The following TTC7B variants were observed in gnomAD, a reference collection of about 807,000 sequenced individuals.
TTC7B encodes tetratricopeptide repeat domain 7B.
TTC7B carries 28 observed loss-of-function variants against 106.8 expected under a neutral mutation model. The ratio of observed to expected loss-of-function variants is 0.26; its 90% confidence interval spans 0.19 to 0.36. TTC7B has a LOEUF of 0.36. TTC7B is among the 10% of genes least tolerant of loss of function. TTC7B has a pLI of 1.00. For synonymous variants in TTC7B, 405 were observed against 430.6 expected (o/e 0.94, Z 0.74); for missense variants, 862 against 1,076.4 (o/e 0.80, Z 2.79).
At chr14:90,598,624 C>G (rs1355161956) in intron 17 of TTC7B, among the ~76,000 whole-genome samples, 2 of 152,368 alleles carry the variant, frequency 1.3e-5, no homozygotes, top group East Asian at 3.9e-4. Context: ...CTGACCCGTG[C>G]TCCTATTGTA....
chr14:90,696,147 C>T (rs895042046), intron 5 of TTC7B, among the ~76,000 whole-genome samples: 1 of 152,190 alleles, frequency 6.6e-6, no homozygotes, highest in African/African-American at 2.4e-5. Flanking sequence ...TCAGAGGCCC[C>T]TTCTGAGAGC....
chr14:90,596,635 A>G (rs540460749), intron 17 of TTC7B, among the ~76,000 whole-genome samples: 12 of 152,284 alleles, frequency 7.9e-5, no homozygotes, highest in Admixed American at 2.0e-4. Context: ...TCTCCCTACA[A>G]TAAGTGAGAC....
chr14:90,770,066 T>C (rs1447542693), intron 3 of TTC7B, among the ~76,000 whole-genome samples: 3 of 152,166 alleles, frequency 2.0e-5, no homozygotes, highest in African/African-American at 7.2e-5. Flanking sequence ...AGGAGATCTC[T>C]TGAGCCCAGG....
intron 18 of TTC7B, among the ~76,000 whole-genome samples, chr14:90,592,434 C>T (rs1891997606): frequency 1.3e-5 from 2 of 152,188 alleles, no homozygotes; most frequent in African/African-American, 2.4e-5. Flanking sequence ...ACAGGCCAGG[C>T]GCGGTGGCTC....
At chr14:90,633,360 T>C (rs898294680) in intron 15 of TTC7B, among the ~76,000 whole-genome samples, 2 of 152,224 alleles carry the variant, frequency 1.3e-5, no homozygotes, top group African/African-American at 2.4e-5. Flanking sequence ...TATGGAAGAA[T>C]TGCATAACCA....
At chr14:90,719,757 C>G (rs1888815640) in intron 5 of TTC7B, among the ~76,000 whole-genome samples, 1 of 152,176 alleles carries the variant, frequency 6.6e-6, no homozygotes, top group Admixed American at 6.5e-5. Flanking sequence ...CAAGGGCAGC[C>G]TATGAAATTC....
chr14:90,673,079 A>ATC, intron 9 of TTC7B, among the ~76,000 whole-genome samples: 1 of 152,194 alleles, frequency 6.6e-6, no homozygotes, highest in Non-Finnish European at 1.5e-5. Context: ...CCTGTGACAC[A>ATC]CTATGTTGAT....
rs1200572016 is a variant in TTC7B at position 90,578,670 on chromosome 14, A to G, written c.2108-362T>C. Among the ~76,000 whole-genome samples the G allele has an allele frequency of 6.6e-6, 1 of 151,836 alleles. No homozygotes were observed. Among genetic ancestry groups the G allele is most frequent in the East Asian group, 2.0e-4 (1 of 5,106 alleles). ...GGTCCAACCCTTGGCTCTGACCCCC[A>G]TAGAAAAAGGGCCAGAATGAACAAG... On this transcript the variant is annotated intron_variant, in intron 18 of 19. Coordinates refer to ENST00000328459, the MANE Select transcript of TTC7B (RefSeq NM_001010854.2). This position sits in a 1 kb window ranked among gnomAD's most constrained non-coding sequence, Gnocchi z 4.7.
rs1891225338 is a variant in TTC7B, at chr14:90,781,702, C to A, written c.277-796G>T. The stretch of plus-strand genomic sequence containing the variant: ...AAATGGATGTGAAGATCAGGACTTG[C>A]TTGCTTTCCAGGGCGAAGTTTCTCA... On this transcript the variant is annotated intron_variant, in intron 2 of 19. Coordinates refer to ENST00000328459, the MANE Select transcript of TTC7B (RefSeq NM_001010854.2). Among the ~76,000 whole-genome samples, 6 of 152,248 alleles carry A rather than the reference C, an allele frequency of 3.9e-5. No individual in the cohort carries two copies. In the South Asian group the frequency reaches 1.2e-3, roughly 32 times the overall value.
At chr14:90,655,218 A>G in intron 11 of TTC7B, 108 bp from the exon 12 acceptor site, 1 of 779,426 alleles carries the variant, frequency 1.3e-6, no homozygotes, top group Non-Finnish European at 2.2e-6. Flanking sequence ...CACTTTGAAA[A>G]TGACTCTCAA....
chr14:90,704,406 C>T (rs1888122834), intron 5 of TTC7B, among the ~76,000 whole-genome samples: 1 of 152,212 alleles, frequency 6.6e-6, no homozygotes, highest in Non-Finnish European at 1.5e-5. Context: ...TAACAGGGAA[C>T]ATGCCCATGA....
intron 1 of TTC7B, among the ~76,000 whole-genome samples, chr14:90,815,210 G>A (rs1473097650): frequency 6.6e-6 from 1 of 152,198 alleles, no homozygotes; most frequent in Non-Finnish European, 1.5e-5. Context: ...TCTGGCCACG[G>A]TGTGCTGGTG....
At chr14:90,788,961 CAA>C (rs34493796) in intron 1 of TTC7B, among the ~76,000 whole-genome samples, 3 of 138,476 alleles carry the variant, frequency 2.2e-5, no homozygotes, top group African/African-American at 2.6e-5. Flanking sequence ...GACTCCATCT[CAA>C]AAAAAAAAAA....
chr14:90,786,462 C>T (rs1773489174), intron 1 of TTC7B, 134 bp from the exon 2 acceptor site: 11 of 967,290 alleles, frequency 1.1e-5, no homozygotes, highest in Admixed American at 2.4e-5. Context: ...AACTTCATAG[C>T]CTTCATAGGG....
chr14:90,542,300 C>A (rs1380166542), intron 19 of TTC7B, among the ~76,000 whole-genome samples: 1 of 152,072 alleles, frequency 6.6e-6, no homozygotes, highest in East Asian at 1.9e-4. Flanking sequence ...AGAATGATGA[C>A]GACAGTTTTT....
intron 18 of TTC7B, among the ~76,000 whole-genome samples, chr14:90,580,456 C>T (rs1462174359): frequency 6.6e-6 from 1 of 152,222 alleles, no homozygotes; most frequent in Non-Finnish European, 1.5e-5. Context: ...CCCCAGCCAC[C>T]TGGCTGGGAG....
chr14:90,729,893 A>C (rs553659470), intron 5 of TTC7B, among the ~76,000 whole-genome samples, 182 bp downstream of exon 5: 7 of 152,134 alleles, frequency 4.6e-5, no homozygotes, highest in African/African-American at 7.2e-5. Flanking sequence ...TGGGAAAGCA[A>C]GAGAGCCAGG....
chr14:90,784,340 G>A (rs551251487), intron 2 of TTC7B, among the ~76,000 whole-genome samples: 8 of 152,302 alleles, frequency 5.3e-5, no homozygotes, highest in Admixed American at 1.3e-4. Flanking sequence ...GGCGGATCAC[G>A]AGGTGAGGAG....
chr14:90,694,423 T>C (rs1452473495), intron 6 of TTC7B, among the ~76,000 whole-genome samples: 4 of 152,002 alleles, frequency 2.6e-5, no homozygotes, highest in African/African-American at 9.7e-5. Flanking sequence ...TGAAATTAAA[T>C]ATTAGTGATA....
Sources: gnomAD v4.1 joint callset for allele counts (sites outside exome capture counted in the v4.1 genomes callset) on GRCh38, gnomAD v4.1.1 for gene constraint, Gnocchi (gnomAD v3.1) non-coding constraint, MANE v1.5 for transcripts, NCBI Gene and HGNC (gene_info 2026-07-23, HGNC 2026-07-21) for gene names.